CHM: variants seen among roughly 807,000 people sequenced by gnomAD.
The protein encoded by CHM is CHM Rab escort protein.
In CHM, 10 loss-of-function variants were observed where a neutral mutation model predicts 49.0. The ratio of observed to expected loss-of-function variants is 0.20; its 90% CI spans 0.13 to 0.35. The LOEUF is 0.35. CHM is among the 10% of genes least tolerant of loss of function. The pLI, the probability that CHM is intolerant of heterozygous loss-of-function variation, is 1.00. For missense variants in CHM, 455 were observed against 478.4 expected, an observed-to-expected ratio of 0.95 and a Z score of 0.46; for synonymous variants, 184 against 167.5, an observed-to-expected ratio of 1.10 and a Z score of -0.76.
intron 8 of CHM, among the ~76,000 whole-genome samples, chrX:85,932,846 T>C (rs1207397588): frequency 2.7e-5 from 3 of 111,723 alleles, no homozygotes; most frequent in Non-Finnish European, 5.6e-5. Flanking sequence ...GCAAGAAAGT[T>C]AATTCAGTGA....
At chrX:85,990,043 G>A (rs956815331) in intron 2 of CHM, among the ~76,000 whole-genome samples, 3 of 112,166 alleles carry the variant, frequency 2.7e-5, no homozygotes, top group African/African-American at 9.7e-5. Flanking sequence ...GCATGCAAAT[G>A]TTCACTGTAG....
At chrX:85,909,072 G>A (rs943652555) in intron 9 of CHM, among the ~76,000 whole-genome samples, 18 of 111,466 alleles carry the variant, frequency 1.6e-4, no homozygotes, top group African/African-American at 4.2e-4. Context: ...TAAAGGATCC[G>A]GTCCAGAGGA....
chrX:85,966,619 A>T (rs2147681371), intron 4 of CHM, among the ~76,000 whole-genome samples: 1 of 112,134 alleles, frequency 8.9e-6, no homozygotes, highest in South Asian at 3.7e-4. Flanking sequence ...GTGTTACATG[A>T]GGGATCTAAG....
intron 8 of CHM, among the ~76,000 whole-genome samples, chrX:85,934,984 A>G (rs1177788195): frequency 8.9e-6 from 1 of 111,856 alleles, no homozygotes; most frequent in Admixed American, 9.5e-5. Flanking sequence ...ACCAAATAAA[A>G]CTGTCTTAGT....
chrX:85,886,623 T>C (rs1925102608), intron 12 of CHM, among the ~76,000 whole-genome samples: 1 of 111,239 alleles, frequency 9.0e-6, no homozygotes, highest in African/African-American at 3.3e-5. Flanking sequence ...AAAAAGGTGG[T>C]TTAAAGCCTT....
intron 2 of CHM, among the ~76,000 whole-genome samples, chrX:86,015,402 A>G (rs1040069822): frequency 1.6e-4 from 18 of 111,543 alleles, no homozygotes; most frequent in African/African-American, 5.9e-4. Context: ...TTTCATCTCA[A>G]TCTCGGGTAT....
chrX:85,908,282 T>C lies in CHM; in HGVS notation c.1244+2979A>G, dbSNP rs145562851. Among the ~76,000 whole-genome samples the C allele has an allele frequency of 7.6e-3, 854 of 111,871 alleles. 6 individuals carry two copies. Among genetic ancestry groups the C allele is most frequent in the African/African-American group, 0.025 (779 of 30,827 alleles). ...CCTCAAAAAACTATCCCTCACTTTA[T>C]GTTCAAGTCCTAACAAAATATCTCC... On this transcript the variant is annotated intron_variant, in intron 9 of 14. Coordinates refer to ENST00000357749, the MANE Select transcript of CHM (RefSeq NM_000390.4).
chrX:85,952,367 T>C (rs1384659790), intron 8 of CHM, among the ~76,000 whole-genome samples: 2 of 110,706 alleles, frequency 1.8e-5, no homozygotes, highest in East Asian at 5.7e-4. Flanking sequence ...TCATCTTGGA[T>C]AGCAGCTCAG....
rs185005340 is a variant in CHM at position 86,010,824 on chromosome X, G to A, written c.116+16667C>T. On this transcript the variant is annotated intron_variant, in intron 2 of 14. Transcript: ENST00000357749. ...CAAAGTTAGTGTGGTATATTTCAAA[G>A]AATGCTGGAATAGGAACAAGAAGAT... 8.9e-5 allele frequency among the ~76,000 whole-genome samples: 10 copies of A among 112,037 alleles called. No homozygotes were observed. The East Asian group carries it at 2.8e-3, about 31-fold the overall frequency.
intron 4 of CHM, chrX:85,971,131 T>C (rs779912335): frequency 1.6e-3 from 1,150 of 727,063 alleles, no homozygotes; most frequent in Non-Finnish European, 1.7e-3. Context: ...AATACATATA[T>C]TAGAATTATA....
At chrX:85,972,478 G>A (rs758419396) in intron 4 of CHM, among the ~76,000 whole-genome samples, 6 of 113,242 alleles carry the variant, frequency 5.3e-5, no homozygotes, top group South Asian at 3.5e-4. Context: ...CAGGCATGGC[G>A]GGCTGCAGTC....
In CHM at chrX:85,911,302, G is replaced by A. The variant is rs1452916131; in HGVS notation, c.1203C>T (p.Arg401=). 9.5e-7 allele frequency: 1 copy of A among 1,049,500 alleles called. No homozygotes were observed. Among genetic ancestry groups the A allele is most frequent in the East Asian group, 4.4e-5 (1 of 22,703 alleles). 86.5% of individuals were successfully genotyped at this position (1,049,500 alleles called of 1,213,427 possible). ...CAVFGGIYCL[R]HSVQCLVVDK... ...CCACTACAAGGCACTGTACTGAATG[G>A]CGAAGACAATAAATTCCACCAAACA... is the stretch of plus-strand genomic sequence containing the variant. Residue 401 remains arginine, a synonymous_variant, in exon 9 of 15, where the codon CGC becomes CGT. Transcript: ENST00000357749.
chrX:85,978,605 C>A (rs1387348483), intron 4 of CHM, 162 bp downstream of exon 4: 11 of 417,464 alleles, frequency 2.6e-5, no homozygotes, highest in Admixed American at 3.9e-5. Context: ...TCATTATTAC[C>A]TAAACAGAGA....
At chrX:85,974,701 A>C (rs1369330555) in intron 4 of CHM, among the ~76,000 whole-genome samples, 7 of 111,014 alleles carry the variant, frequency 6.3e-5, no homozygotes, top group Non-Finnish European at 1.3e-4. Context: ...AAAAACAAAA[A>C]AGAACACTGA....
In CHM at chrX:85,916,664, AT is replaced by A. The variant is rs755077627; in HGVS notation, c.1167-5327del. 2.2e-4 allele frequency among the ~76,000 whole-genome samples: 25 copies of A among 112,665 alleles called. No individual in the cohort carries two copies. In the East Asian group the frequency reaches 7.0e-3, roughly 31 times the overall value. Reference sequence around the variant, plus strand: ...GAACACACACTTTTCAAAAGAAGACATACATGCAGCCAACAAGCATATGGAA... The same window carrying A: ...GAACACACACTTTTCAAAAGAAGACAACATGCAGCCAACAAGCATATGGAA... On this transcript the variant is annotated intron_variant, in intron 8 of 14. Coordinates refer to ENST00000357749, the MANE Select transcript of CHM (RefSeq NM_000390.4).
chrX:85,972,052 T>C (rs1488698599), intron 4 of CHM, among the ~76,000 whole-genome samples: 2 of 110,011 alleles, frequency 1.8e-5, no homozygotes, highest in Non-Finnish European at 3.8e-5. Context: ...AGATACAGAG[T>C]GTCGATTGGT....
chrX:85,917,217 G>A (rs5968716), intron 8 of CHM, among the ~76,000 whole-genome samples: 1 of 110,450 alleles, frequency 9.1e-6, no homozygotes, highest in East Asian at 2.9e-4. Context: ...ACTACTTGTT[G>A]TCACTTATAA....
rs765916536 is a variant in CHM at position 85,861,776 on chromosome X, C to T, written c.*2854G>A. 6.3e-5 allele frequency: 7 copies of T among 111,270 alleles called. No homozygotes were observed. Among genetic ancestry groups the T allele is most frequent in the African/African-American group, 1.3e-4 (4 of 30,745 alleles). The allele number at this position is 111,270 out of a possible 1,213,427, so 9.2% of individuals were successfully genotyped here. On this transcript the variant is annotated 3_prime_UTR_variant, in exon 15 of 15. Coordinates refer to ENST00000357749, the MANE Select transcript of CHM (RefSeq NM_000390.4). Reference sequence around the variant, plus strand: ...CTAAACTAAATGGTATTATCATTTTCGGTTAATAAGAAGCATGCATAACTA... The same window carrying T: ...CTAAACTAAATGGTATTATCATTTTTGGTTAATAAGAAGCATGCATAACTA...
At chrX:85,887,042 A>G (rs1304596857) in intron 12 of CHM, among the ~76,000 whole-genome samples, 1 of 107,590 alleles carries the variant, frequency 9.3e-6, no homozygotes, top group Non-Finnish European at 1.9e-5. Context: ...TAATAAATTG[A>G]AACTTAACTT....
Sources: gnomAD v4.1 joint callset for allele counts (sites outside exome capture counted in the v4.1 genomes callset) on GRCh38, gnomAD v4.1.1 for gene constraint, MANE v1.5 for transcripts, NCBI Gene and HGNC (gene_info 2026-07-23, HGNC 2026-07-21) for gene names.